Variants in FAM120B observed in about 807,000 individuals in gnomAD.
FAM120B encodes the protein family with sequence similarity 120 member B.
A neutral mutation model predicts 96.3 loss-of-function variants in FAM120B; 83 were observed. The observed-to-expected ratio is 0.86, with a 90% CI of 0.72 to 1.03. The LOEUF (loss-of-function observed/expected upper bound fraction) is 1.03, where lower values mean the gene tolerates loss of function less well. Ranked by LOEUF, FAM120B falls within the 50% of genes least tolerant of loss-of-function variation. The pLI is 0.00. For synonymous variants in FAM120B, 407 were observed against 402.7 expected (o/e 1.01, Z -0.13); for missense variants, 1,027 against 1,121.2 (o/e 0.92, Z 1.20).
At chr6:170,379,770 G>A (rs1015041802) in intron 6 of FAM120B, among the ~76,000 whole-genome samples, 3 of 152,088 alleles carry the variant, frequency 2.0e-5, no homozygotes, top group African/African-American at 7.2e-5. Flanking sequence ...GCTTCCTCAG[G>A]CTGCCATAAA....
intron 1 of FAM120B, among the ~76,000 whole-genome samples, chr6:170,297,053 G>A (rs1016435701): frequency 6.6e-6 from 1 of 152,222 alleles, no homozygotes; most frequent in Non-Finnish European, 1.5e-5. Context: ...GGCACGCGGG[G>A]GGCTTCAAGG....
At chr6:170,319,448 A>C (rs952087083) in intron 2 of FAM120B, among the ~76,000 whole-genome samples, 3 of 152,200 alleles carry the variant, frequency 2.0e-5, no homozygotes, top group Non-Finnish European at 4.4e-5. Context: ...CAGGTGGGTC[A>C]CCTGAGGTCA....
intron 6 of FAM120B, among the ~76,000 whole-genome samples, chr6:170,378,742 G>C (rs977785753): frequency 1.3e-5 from 2 of 152,244 alleles, no homozygotes; most frequent in Non-Finnish European, 2.9e-5. Context: ...AAGCAGGGCT[G>C]AGCCCTGAGC....
At chr6:170,387,522 A>G (rs1033473468) in intron 6 of FAM120B, among the ~76,000 whole-genome samples, 1 of 152,200 alleles carries the variant, frequency 6.6e-6, no homozygotes, top group African/African-American at 2.4e-5. Context: ...GGAGGTAGAG[A>G]GTATCTCATG....
intron 4 of FAM120B, among the ~76,000 whole-genome samples, chr6:170,344,441 C>T (rs1254285291): frequency 9.5e-6 from 1 of 104,860 alleles, no homozygotes; most frequent in East Asian, 3.4e-4. Flanking sequence ...CGGATGAAAT[C>T]GTTCAGTCCA....
At position 170,317,454 on chromosome 6, in the gene FAM120B, A is replaced by G. The variant is rs1273038983; in HGVS notation, c.64A>G (p.Asn22Asp). The G allele has an allele frequency of 6.2e-7, 1 of 1,614,184 alleles. No homozygotes were observed. Among genetic ancestry groups the G allele is most frequent in the African/African-American group, 1.3e-5 (1 of 75,024 alleles). ...STCPHICTVV[N>D]FKELAEHHRS... is the part of the protein sequence containing the mutation. ...CTGCCCACATATATGTACAGTAGTA[A>G]ATTTCAAAGAACTGGCAGAGCACCA... The change falls in exon 2 of 11, where the codon AAT (asparagine) becomes GAT (aspartate). Residue 22 changes from asparagine to aspartate, a missense_variant. Transcript: ENST00000476287.
chr6:170,343,284 T>A (rs954803756), intron 4 of FAM120B, among the ~76,000 whole-genome samples: 5 of 152,088 alleles, frequency 3.3e-5, no homozygotes, highest in African/African-American at 1.2e-4. Flanking sequence ...AGCCTTTTTG[T>A]AGAGTGGTCA....
Position 170,329,917 on chromosome 6 carries a change from T to A in FAM120B, c.1916-532T>A, listed in dbSNP as rs564176241. Among the ~76,000 whole-genome samples, 204 of 152,308 alleles carry A rather than the reference T, an allele frequency of 1.3e-3. 1 individual carries two copies. Among genetic ancestry groups the A allele is most frequent in the African/African-American group, 4.6e-3 (192 of 41,564 alleles). The stretch of plus-strand genomic sequence containing the variant: ...GCCCTCTGCCCAACTTGAGCAGCTG[T>A]CTGACTGATGATCACCTTTGTGCTG... On this transcript the variant is annotated intron_variant, in intron 3 of 10. Transcript: ENST00000476287.
chr6:170,346,392 C>T (rs1245853123), intron 4 of FAM120B, among the ~76,000 whole-genome samples: 7 of 152,042 alleles, frequency 4.6e-5, no homozygotes, highest in African/African-American at 1.7e-4. Context: ...TTTTTATTTT[C>T]TTCTTTATAC....
At chr6:170,350,295 T>C (rs1395505194) in intron 5 of FAM120B, among the ~76,000 whole-genome samples, 1 of 152,136 alleles carries the variant, frequency 6.6e-6, no homozygotes, top group Non-Finnish European at 1.5e-5. Context: ...TGGCAGTGAA[T>C]TAGAGTCCTC....
chr6:170,395,711 C>A, intron 9 of FAM120B, 132 bp downstream of exon 9: 1 of 637,376 alleles, frequency 1.6e-6, no homozygotes, highest in Non-Finnish European at 2.8e-6. Flanking sequence ...GATAAATATA[C>A]CAATGCATCT....
At chr6:170,384,929 CA>C (rs1790107616) in intron 6 of FAM120B, among the ~76,000 whole-genome samples, 1 of 152,200 alleles carries the variant, frequency 6.6e-6, no homozygotes, top group African/African-American at 2.4e-5. Context: ...GCTGATAGGA[CA>C]AACAGACAGA....
At position 170,318,004 on chromosome 6, in the gene FAM120B, T is replaced by TG. The variant is rs546180037; in HGVS notation, c.615dup (p.Leu206AlafsTer8). 1.9e-5 allele frequency: 30 copies of TG among 1,613,878 alleles called. No individual in the cohort carries two copies. In the Admixed American group the frequency reaches 3.7e-4, roughly 20 times the overall value. ...TGCCTAGAGAGCCTGGACACCGTCATGCTCTGCAGAGAGAAGCTCTGTGAG... is the reference window on the plus strand; with the variant it reads ...TGCCTAGAGAGCCTGGACACCGTCATGGCTCTGCAGAGAGAAGCTCTGTGAG... On this transcript the variant is annotated frameshift_variant, in exon 2 of 11. Coordinates refer to ENST00000476287, the MANE Select transcript of FAM120B (RefSeq NM_032448.3). LOFTEE classifies it high-confidence loss of function.
intron 6 of FAM120B, among the ~76,000 whole-genome samples, chr6:170,360,575 G>T (rs532668912): frequency 6.6e-6 from 1 of 152,292 alleles, no homozygotes; most frequent in Non-Finnish European, 1.5e-5. Flanking sequence ...CTTCCCCTCA[G>T]CCATCCACTC....
At chr6:170,369,740 G>T (rs1013745765) in intron 6 of FAM120B, among the ~76,000 whole-genome samples, 1 of 150,902 alleles carries the variant, frequency 6.6e-6, no homozygotes, top group Non-Finnish European at 1.5e-5. Flanking sequence ...TAGATAGGAG[G>T]TTTCTCTTGT....
Position 170,388,279 on chromosome 6 carries a change from C to A in FAM120B, c.2284-8C>A. ...TTACATTTTTGGTGTGTGTTCTGGT[C>A]TCCACAGCCTGATTACATCAACCCC... is the stretch of plus-strand genomic sequence containing the variant. On this transcript the variant is annotated splice_region_variant and splice_polypyrimidine_tract_variant and intron_variant, in intron 6 of 10. Transcript: ENST00000476287. 3 of 1,612,932 alleles carry A rather than the reference C, an allele frequency of 1.9e-6. No homozygotes were observed. Among genetic ancestry groups the A allele is most frequent in the Non-Finnish European group, 2.5e-6 (3 of 1,179,838 alleles).
chr6:170,361,231 TATATAC>T lies in FAM120B; in HGVS notation c.2283+2915_2283+2920del, dbSNP rs1168399923. ...ATATATATATATATATATATATATA[TATATAC>T]ACGTATATATATATATACGTGTATA... On this transcript the variant is annotated intron_variant, in intron 6 of 10. Coordinates refer to ENST00000476287, the MANE Select transcript of FAM120B (RefSeq NM_032448.3). 6.9e-4 allele frequency among the ~76,000 whole-genome samples: 87 copies of T among 125,910 alleles called. 3 individuals are homozygous for T. The highest frequency in any genetic ancestry group is 3.6e-3 in the East Asian group (13 of 3,626). The allele number at this position is 125,910 out of a possible 152,430, so 82.6% of individuals were successfully genotyped here.
At chr6:170,401,221 G>A (rs955008605) in intron 9 of FAM120B, among the ~76,000 whole-genome samples, 5 of 152,160 alleles carry the variant, frequency 3.3e-5, no homozygotes, top group African/African-American at 9.7e-5. Flanking sequence ...CCCCCCAGTC[G>A]CCCCGGTCTT....
At chr6:170,384,202 C>T (rs1294081766) in intron 6 of FAM120B, among the ~76,000 whole-genome samples, 1 of 152,078 alleles carries the variant, frequency 6.6e-6, no homozygotes, top group Middle Eastern at 3.2e-3. Flanking sequence ...CTACACAAAC[C>T]CACCAGGTTT....
Sources: gnomAD v4.1 joint callset for allele counts (sites outside exome capture counted in the v4.1 genomes callset) on GRCh38, gnomAD v4.1.1 for gene constraint, MANE v1.5 for transcripts, NCBI Gene and HGNC (gene_info 2026-07-23, HGNC 2026-07-21) for gene names.